The following LY75 variants were observed in gnomAD, a reference collection of about 807,000 sequenced individuals.
LY75 encodes lymphocyte antigen 75.
Under a neutral mutation model 231.7 loss-of-function variants are expected in LY75, and 185 were observed. That is an observed-to-expected ratio of 0.80 (90% CI 0.71 to 0.90). The LOEUF (loss-of-function observed/expected upper bound fraction) is 0.90, where lower values mean the gene tolerates loss of function less well. LY75 is among the 40% of genes least tolerant of loss of function. The pLI, the probability that LY75 is intolerant of heterozygous loss-of-function variation, is 0.00. For synonymous variants in LY75, 668 were observed against 689.0 expected (o/e 0.97, Z 0.48); for missense variants, 1,947 against 2,050.2 (o/e 0.95, Z 0.97).
In LY75 at chr2:159,805,105, G is replaced by C. The variant is rs767465055; in HGVS notation, c.5108C>G (p.Ser1703Ter). 2 of 1,614,038 alleles carry C rather than the reference G, an allele frequency of 1.2e-6. No individual in the cohort carries two copies. The highest frequency in any genetic ancestry group is 2.7e-5 in the African/African-American group (2 of 74,948). ...RHRLHLAGFS[S>*]VRYAQGVNED... is the part of the protein sequence containing the mutation. ...ATTCACTCCTTGTGCATATCGAACTGATGAGAAACCCGCCAGGTGCAAACG... is the reference window on the plus strand; with the variant it reads ...ATTCACTCCTTGTGCATATCGAACTCATGAGAAACCCGCCAGGTGCAAACG... The change falls in exon 35 of 35, where the codon TCA becomes TGA. Residue 1703 changes from serine (S) to a stop codon, truncating the protein, a stop_gained. Transcript: ENST00000263636. LOFTEE classifies it high-confidence loss of function.
intron 1 of LY75, among the ~76,000 whole-genome samples, chr2:159,903,777 G>A (rs938334935): frequency 2.6e-5 from 4 of 152,166 alleles, no homozygotes; most frequent in Non-Finnish European, 4.4e-5. Context: ...CCCTCGCCCA[G>A]GCAAAAAGAG....
chr2:159,853,631 A>G lies in LY75; in HGVS notation c.2662T>C (p.Tyr888His). Residue 888 changes from tyrosine to histidine, a missense_variant and splice_region_variant, in exon 19 of 35, where the codon TAC (tyrosine) becomes CAC (histidine). Transcript: ENST00000263636. ...GGTAGAATCAATGATGTCACCTACT[A>G]TGTAAAATGATCATCTATTGGCCAC... ...SEWPIDDHFTYSRYPWHRFPV... is the reference protein window; with the variant it reads ...SEWPIDDHFTHSRYPWHRFPV... 1.2e-6 allele frequency: 2 copies of G among 1,613,462 alleles called. No homozygotes were observed. The highest frequency in any genetic ancestry group is 1.7e-6 in the Non-Finnish European group (2 of 1,179,792).
Position 159,805,124 on chromosome 2 carries a change from G to A in LY75, c.5089C>T (p.His1697Tyr), listed in dbSNP as rs1172392482. 6.2e-6 allele frequency: 10 copies of A among 1,613,978 alleles called. No homozygotes were observed. The highest frequency in any genetic ancestry group is 2.2e-5 in the East Asian group (1 of 44,882). The change falls in exon 35 of 35, where the codon CAC becomes TAC. Residue 1697 changes from histidine to tyrosine, a missense_variant. By Grantham distance (83) the His-to-Tyr change is moderately conservative. Transcript: ENST00000263636. ...IWFLFQRHRL[H>Y]LAGFSSVRYA... is the part of the protein sequence containing the mutation. The stretch of plus-strand genomic sequence containing the variant: ...CGAACTGATGAGAAACCCGCCAGGT[G>A]CAAACGGTGCCTTTGGAAGAGGAAC...
chr2:159,818,454 G>A (rs893431389), intron 29 of LY75, among the ~76,000 whole-genome samples: 2 of 152,146 alleles, frequency 1.3e-5, no homozygotes, highest in Non-Finnish European at 2.9e-5. Context: ...CCAAATACAT[G>A]ACCAGTGTTC....
intron 12 of LY75, 92 bp from the exon 13 acceptor site, chr2:159,872,685 T>C (rs1390103588): frequency 3.6e-6 from 5 of 1,385,698 alleles, no homozygotes; most frequent in Admixed American, 4.2e-5. Context: ...TGTGGGCCCC[T>C]GAAATGAATT....
At chr2:159,893,022 A>T (rs534343042) in intron 3 of LY75, among the ~76,000 whole-genome samples, 37 of 152,008 alleles carry the variant, frequency 2.4e-4, no homozygotes, top group East Asian at 9.7e-4. Context: ...TTTTTTAAAT[A>T]AAAAAAAGCC....
rs2125858873 is a variant in LY75, at chr2:159,858,379, A to G, written c.2366T>C (p.Val789Ala). 1 of 1,613,356 alleles carries G rather than the reference A, an allele frequency of 6.2e-7. No homozygotes were observed. Among genetic ancestry groups the G allele is most frequent in the Non-Finnish European group, 8.5e-7 (1 of 1,179,698 alleles). The change falls in exon 16 of 35, where the codon GTG becomes GCG. Residue 789 changes from valine to alanine, a missense_variant. Coordinates refer to ENST00000263636, the MANE Select transcript of LY75 (RefSeq NM_002349.4). Reference protein sequence around the residue: ...PFACDTKLEWVCQIPKGRTPK... With the variant: ...PFACDTKLEWACQIPKGRTPK... ...CCACTTACCTTTTGGAATTTGGCAC[A>G]CCCATTCAAGTTTTGTATCACAAGC...
intron 27 of LY75, among the ~76,000 whole-genome samples, chr2:159,833,442 C>T (rs1039164291): frequency 6.6e-6 from 1 of 152,120 alleles, no homozygotes; most frequent in Middle Eastern, 3.2e-3. Flanking sequence ...TAAAGGAGAA[C>T]CTGCCTTCCT....
At chr2:159,845,476 C>G (rs1199716677) in intron 23 of LY75, among the ~76,000 whole-genome samples, 1 of 151,500 alleles carries the variant, frequency 6.6e-6, no homozygotes, top group Non-Finnish European at 1.5e-5. Context: ...CATATCAATA[C>G]AGTCAGCCCT....
At chr2:159,821,468 T>C (rs574960092) in intron 28 of LY75, among the ~76,000 whole-genome samples, 2 of 151,650 alleles carry the variant, frequency 1.3e-5, no homozygotes, top group Non-Finnish European at 2.9e-5. Context: ...ATACAAAAAT[T>C]AGCTGGGCGT....
In LY75 at chr2:159,810,767, C is replaced by G. The variant is rs377078840; in HGVS notation, c.4550-92G>C. Reference sequence around the variant, plus strand: ...TCAATGTCCCTGATTGGAACTGTTGCGTTTGTGGTTGAGTAGCATTTAACT... The same window carrying G: ...TCAATGTCCCTGATTGGAACTGTTGGGTTTGTGGTTGAGTAGCATTTAACT... On this transcript the variant is annotated intron_variant, in intron 31 of 34. Transcript: ENST00000263636. 2.7e-4 allele frequency: 415 copies of G among 1,544,766 alleles called. 3 individuals are homozygous for G. The South Asian group carries it at 4.8e-3, about 18-fold the overall frequency.
intron 28 of LY75, among the ~76,000 whole-genome samples, chr2:159,820,995 C>T (rs1025354661): frequency 6.6e-6 from 1 of 152,070 alleles, no homozygotes; most frequent in Non-Finnish European, 1.5e-5. Flanking sequence ...CCCACCACCG[C>T]GGCTGGCTAA....
At chr2:159,857,544 C>T (rs1031759521) in intron 16 of LY75, among the ~76,000 whole-genome samples, 5 of 152,106 alleles carry the variant, frequency 3.3e-5, no homozygotes, top group African/African-American at 1.2e-4. Flanking sequence ...GAGTTCGAGA[C>T]CAGCTTGGCC....
intron 23 of LY75, 107 bp downstream of exon 23, chr2:159,849,868 ACATTT>A (rs1169528912): frequency 7.3e-7 from 1 of 1,378,142 alleles, no homozygotes; most frequent in Admixed American, 2.5e-5. Flanking sequence ...CCTATTCTGG[ACATTT>A]CATACAAATG....
intron 10 of LY75, 27 bp downstream of exon 10, chr2:159,878,606 T>C (rs1445084353): frequency 2.5e-6 from 4 of 1,613,840 alleles, no homozygotes; most frequent in Non-Finnish European, 3.4e-6. Flanking sequence ...TGAAAGTTTA[T>C]GAGTACAAGT....
chr2:159,898,547 A>T, intron 2 of LY75, 141 bp downstream of exon 2: 1 of 1,371,678 alleles, frequency 7.3e-7, no homozygotes, highest in East Asian at 2.3e-5. Context: ...CGCTCAAAGT[A>T]ACTGCACAGT....
chr2:159,881,260 T>G lies in LY75; in HGVS notation c.1247-20A>C. The stretch of plus-strand genomic sequence containing the variant: ...TGATATCTAAAAGAAAAATGTATTA[T>G]TTGTTTGGTTTTGCTCAATTAAATA... On this transcript the variant is annotated intron_variant, in intron 7 of 34. Transcript: ENST00000263636. 6.2e-7 allele frequency: 1 copy of G among 1,602,850 alleles called. No homozygotes were observed. Among genetic ancestry groups the G allele is most frequent in the African/African-American group, 1.3e-5 (1 of 74,648 alleles).
Position 159,842,237 on chromosome 2 carries a change from A to C in LY75, c.3280+8T>G. Reference sequence around the variant, plus strand: ...AAGTACCATAGTTATCTAGATAATAATTGTTACCTGAATATTTCTGACAGA... The same window carrying C: ...AAGTACCATAGTTATCTAGATAATACTTGTTACCTGAATATTTCTGACAGA... On this transcript the variant is annotated splice_region_variant and intron_variant, in intron 24 of 34. Transcript: ENST00000263636. 1 of 1,608,616 alleles carries C rather than the reference A, an allele frequency of 6.2e-7. No homozygotes were observed. Among genetic ancestry groups the C allele is most frequent in the Non-Finnish European group, 8.5e-7 (1 of 1,176,946 alleles).
rs141523249 is a variant in LY75, at chr2:159,879,292, G to A, written c.1482C>T (p.Asp494=). 6.1e-5 allele frequency: 98 copies of A among 1,613,468 alleles called. 1 individual carries two copies. The highest frequency in any genetic ancestry group is 7.6e-5 in the Non-Finnish European group (90 of 1,179,848). The part of the protein sequence containing the change: ...VCKRKGEKLN[D]ASSDKMCPPD... Reference sequence around the variant, plus strand: ...GAGGACACATCTTATCAGAACTTGCGTCATTCAGTTTTTCTCCCTTTCTCT... The same window carrying A: ...GAGGACACATCTTATCAGAACTTGCATCATTCAGTTTTTCTCCCTTTCTCT... Residue 494 remains aspartate (D), a synonymous_variant, in exon 9 of 35, where the codon GAC becomes GAT. Coordinates refer to ENST00000263636, the MANE Select transcript of LY75 (RefSeq NM_002349.4).
Sources: gnomAD v4.1 joint callset for allele counts (sites outside exome capture counted in the v4.1 genomes callset) on GRCh38, gnomAD v4.1.1 for gene constraint, MANE v1.5 for transcripts, NCBI Gene and HGNC (gene_info 2026-07-23, HGNC 2026-07-21) for gene names.